The following CCSER1 variants were observed in gnomAD, a reference collection of about 807,000 sequenced individuals.
CCSER1 encodes coiled-coil serine rich protein 1.
Under a neutral mutation model 82.0 loss-of-function variants are expected in CCSER1, and 41 were observed. The observed-to-expected ratio is 0.50, with a 90% CI of 0.39 to 0.65. The LOEUF (loss-of-function observed/expected upper bound fraction) is 0.65, where lower values mean the gene tolerates loss of function less well. CCSER1 is among the 30% of genes least tolerant of loss of function. The probability of loss-of-function intolerance (pLI) is 0.00; values close to 1 mark genes in which losing one functional copy is unlikely to be tolerated. For synonymous variants in CCSER1, 414 were observed against 383.9 expected, an observed-to-expected ratio of 1.08 and a Z score of -0.92; for missense variants, 1,119 against 1,064.2, an observed-to-expected ratio of 1.05 and a Z score of -0.72.
intron 9 of CCSER1, among the ~76,000 whole-genome samples, chr4:91,009,989 G>T (rs540402745): frequency 1.1e-4 from 17 of 152,118 alleles, no homozygotes; most frequent in African/African-American, 3.6e-4. Context: ...CTTTACCTGA[G>T]AATTTTTTAC....
At chr4:90,770,067 T>C (rs1414217300) in intron 7 of CCSER1, among the ~76,000 whole-genome samples, 1 of 152,154 alleles carries the variant, frequency 6.6e-6, no homozygotes, top group Non-Finnish European at 1.5e-5. Context: ...CACTCTCCCT[T>C]GGATCCCTTG....
chr4:90,818,246 GA>G lies in CCSER1; in HGVS notation c.2094+2408del, dbSNP rs34975033. Among the ~76,000 whole-genome samples, 921 of 150,536 alleles carry G rather than the reference GA, an allele frequency of 6.1e-3. 11 individuals are homozygous for G. The highest frequency in any genetic ancestry group is 0.022 in the African/African-American group (889 of 41,124). ...AAAAGTTAGGGACAGAATGGGTCTAGAAAAAAAGAAATGTTTTTCTTTTCTT... is the reference window on the plus strand; with the variant it reads ...AAAAGTTAGGGACAGAATGGGTCTAGAAAAAAGAAATGTTTTTCTTTTCTT... On this transcript the variant is annotated intron_variant, in intron 8 of 10. Transcript: ENST00000509176.
chr4:90,630,632 G>A (rs1489284791), intron 6 of CCSER1, among the ~76,000 whole-genome samples: 1 of 151,898 alleles, frequency 6.6e-6, no homozygotes, highest in African/African-American at 2.4e-5. Context: ...AGTATTATAT[G>A]ATTAGCATAG....
At chr4:90,642,644 G>C (rs1726750811) in intron 6 of CCSER1, among the ~76,000 whole-genome samples, 1 of 152,128 alleles carries the variant, frequency 6.6e-6, no homozygotes, top group African/African-American at 2.4e-5. Flanking sequence ...TTCGAGACAA[G>C]CCTGGGCAAC....
intron 10 of CCSER1, among the ~76,000 whole-genome samples, chr4:91,501,417 T>C (rs1759206335): frequency 6.6e-6 from 1 of 151,934 alleles, no homozygotes; most frequent in Non-Finnish European, 1.5e-5. Flanking sequence ...GTTTCTGCCA[T>C]CTTATTATCT....
chr4:91,535,435 T>C (rs1278324922), intron 10 of CCSER1, among the ~76,000 whole-genome samples: 1 of 76,080 alleles, frequency 1.3e-5, no homozygotes, highest in Non-Finnish European at 2.5e-5. Context: ...AATGATGAGG[T>C]GAGGAGACGG....
In CCSER1 at chr4:90,815,509, A is replaced by G. The variant is rs551309668; in HGVS notation, c.2011-253A>G. On this transcript the variant is annotated intron_variant, in intron 7 of 10. Transcript: ENST00000509176. ...AAAACAAAACAAAAAACTAAGCAAA[A>G]ACATATGTGTGTGTGGATGTGTGTG... Among the ~76,000 whole-genome samples, 5 of 128,884 alleles carry G rather than the reference A, an allele frequency of 3.9e-5. No homozygotes were observed. In the South Asian group the frequency reaches 1.3e-3, roughly 32 times the overall value. 84.6% of individuals were successfully genotyped at this position (128,884 alleles called of 152,430 possible). A position where few individuals can be genotyped will look rare whatever the true frequency, so the allele number is the denominator to read the frequency against.
intron 5 of CCSER1, among the ~76,000 whole-genome samples, chr4:90,530,259 A>T (rs564062688): frequency 2.0e-5 from 3 of 152,134 alleles, no homozygotes; most frequent in African/African-American, 7.2e-5. Context: ...TTTTTCTGTT[A>T]TTCTACTTAA....
chr4:90,962,717 A>C (rs1734168569), intron 9 of CCSER1, among the ~76,000 whole-genome samples: 1 of 152,192 alleles, frequency 6.6e-6, no homozygotes, highest in Non-Finnish European at 1.5e-5. Flanking sequence ...TACTAATGGC[A>C]AAAGACAAGC....
At position 90,518,953 on chromosome 4, in the gene CCSER1, T is replaced by C. The variant is rs184954085; in HGVS notation, c.1724+50599T>C. Among the ~76,000 whole-genome samples the C allele has an allele frequency of 9.2e-5, 14 of 151,980 alleles. No individual in the cohort carries two copies. In the East Asian group the frequency reaches 2.1e-3, roughly 23 times the overall value. On this transcript the variant is annotated intron_variant, in intron 5 of 10. Transcript: ENST00000509176. The stretch of plus-strand genomic sequence containing the variant: ...AGTATTTGGGCTGAAAAGAGCAAAT[T>C]TGTTTCCAATAAATACTATATCTTT...
At chr4:90,244,621 G>C (rs1170229859) in intron 1 of CCSER1, among the ~76,000 whole-genome samples, 4 of 152,226 alleles carry the variant, frequency 2.6e-5, no homozygotes, top group African/African-American at 7.2e-5. Flanking sequence ...TTCTTCACGT[G>C]GTGGCAGGAG....
At chr4:90,875,749 A>G (rs1161952266) in intron 8 of CCSER1, among the ~76,000 whole-genome samples, 1 of 152,190 alleles carries the variant, frequency 6.6e-6, no homozygotes, top group Non-Finnish European at 1.5e-5. Context: ...CAACAGCTTG[A>G]CTAAGATGAG....
intron 8 of CCSER1, among the ~76,000 whole-genome samples, chr4:90,840,107 G>T (rs1762389235): frequency 6.6e-6 from 1 of 151,680 alleles, no homozygotes; most frequent in African/African-American, 2.4e-5. Flanking sequence ...TTAGTAACTT[G>T]CAATTTATTG....
intron 9 of CCSER1, among the ~76,000 whole-genome samples, chr4:91,072,333 T>G (rs1452067686): frequency 6.6e-6 from 1 of 152,212 alleles, no homozygotes; most frequent in South Asian, 2.1e-4. Context: ...TCAATTGAAT[T>G]TCACATTTTT....
At chr4:90,458,488 G>T (rs1223629919) in intron 4 of CCSER1, among the ~76,000 whole-genome samples, 1 of 152,110 alleles carries the variant, frequency 6.6e-6, no homozygotes, top group East Asian at 1.9e-4. Context: ...GAGCAATTGG[G>T]ACTACAGACA....
Position 90,549,198 on chromosome 4 carries a change from A to G in CCSER1, c.1725-78827A>G, listed in dbSNP as rs144219665. On this transcript the variant is annotated intron_variant, in intron 5 of 10. Transcript: ENST00000509176. Reference sequence around the variant, plus strand: ...ATTTAACAAATGTTAGTTGGCCATGATTTAGCAAAACATGATGTCTACCCA... The same window carrying G: ...ATTTAACAAATGTTAGTTGGCCATGGTTTAGCAAAACATGATGTCTACCCA... Among the ~76,000 whole-genome samples the G allele has an allele frequency of 6.1e-3, 925 of 152,272 alleles. 15 individuals are homozygous for G. Among genetic ancestry groups the G allele is most frequent in the African/African-American group, 0.021 (888 of 41,564 alleles).
intron 10 of CCSER1, among the ~76,000 whole-genome samples, chr4:91,483,470 C>G (rs1331113579): frequency 6.6e-6 from 1 of 151,456 alleles, no homozygotes; most frequent in Admixed American, 6.6e-5. Flanking sequence ...GAGTCTTGCT[C>G]TGTCACCCAG....
chr4:91,097,972 C>T (rs747613065), intron 10 of CCSER1, among the ~76,000 whole-genome samples: 1 of 152,034 alleles, frequency 6.6e-6, no homozygotes, highest in African/African-American at 2.4e-5. Context: ...TGCTGAAAAC[C>T]ATAAATAGGA....
chr4:90,905,646 A>G (rs1326136207), intron 8 of CCSER1, among the ~76,000 whole-genome samples: 1 of 152,114 alleles, frequency 6.6e-6, no homozygotes, highest in East Asian at 1.9e-4. Flanking sequence ...TGCTTATTGG[A>G]AGTCTATCTC....
Sources: gnomAD v4.1 joint callset for allele counts (sites outside exome capture counted in the v4.1 genomes callset) on GRCh38, gnomAD v4.1.1 for gene constraint, MANE v1.5 for transcripts, NCBI Gene and HGNC (gene_info 2026-07-23, HGNC 2026-07-21) for gene names.